Variants in NEURL1 observed in about 807,000 individuals in gnomAD.
NEURL1 encodes the protein neuralized E3 ubiquitin protein ligase 1, also known as E3 ubiquitin-protein ligase NEURL1.
In NEURL1, 26 loss-of-function variants were observed where a neutral mutation model predicts 41.2. The observed-to-expected ratio is 0.63, with a 90% CI of 0.46 to 0.87. The LOEUF (loss-of-function observed/expected upper bound fraction) is 0.87, where lower values mean the gene tolerates loss of function less well. Among genes scored for constraint, NEURL1 ranks in the 40% least tolerant of loss-of-function variants. The probability of loss-of-function intolerance (pLI) is 0.00; values close to 1 mark genes in which losing one functional copy is unlikely to be tolerated. For missense variants in NEURL1, 761 were observed against 871.1 expected, an observed-to-expected ratio of 0.87 and a Z score of 1.59; for synonymous variants, 400 against 402.3, an observed-to-expected ratio of 0.99 and a Z score of 0.07.
rs2034497511 is a variant in NEURL1, at chr10:103,528,058, A to G, written c.85+33586A>G. ...AACATGGTGAAACCCTGTCACTAGT[A>G]AAAATACAAAAATTAGGCCAGGCAC... On this transcript the variant is annotated intron_variant, in intron 1 of 5. Coordinates refer to ENST00000369780, the MANE Select transcript of NEURL1 (RefSeq NM_004210.5). Among the ~76,000 whole-genome samples the G allele has an allele frequency of 3.3e-5, 5 of 152,068 alleles. No homozygotes were observed. In the South Asian group the frequency reaches 1.0e-3, roughly 32 times the overall value.
At chr10:103,535,409 A>G (rs991993791) in intron 1 of NEURL1, among the ~76,000 whole-genome samples, 1 of 152,162 alleles carries the variant, frequency 6.6e-6, no homozygotes, top group Non-Finnish European at 1.5e-5. Context: ...TGGGATGCAC[A>G]GTTGCTCAGC....
At chr10:103,504,411 T>A (rs1196173001) in intron 1 of NEURL1, among the ~76,000 whole-genome samples, 1 of 152,200 alleles carries the variant, frequency 6.6e-6, no homozygotes, top group Non-Finnish European at 1.5e-5. Flanking sequence ...ACTGTCTCTC[T>A]ATTGGGATTT....
chr10:103,573,819 C>G (rs549111440), intron 3 of NEURL1, among the ~76,000 whole-genome samples: 2 of 152,290 alleles, frequency 1.3e-5, no homozygotes, highest in South Asian at 2.1e-4. Flanking sequence ...CCTCACAGTC[C>G]CCACTCTGGC....
intron 1 of NEURL1, chr10:103,511,933 C>T (rs965675311): frequency 1.3e-5 from 2 of 152,268 alleles, no homozygotes; most frequent in African/African-American, 4.8e-5. Flanking sequence ...ATGGGCTCTT[C>T]AGGGCTGCCG....
chr10:103,539,535 A>G (rs77228207), intron 1 of NEURL1, among the ~76,000 whole-genome samples: 43 of 152,346 alleles, frequency 2.8e-4, no homozygotes, highest in African/African-American at 1.0e-3. Context: ...GTTTAGGGAC[A>G]ACACGGCTTC....
chr10:103,529,808 A>G (rs563008410), intron 1 of NEURL1, among the ~76,000 whole-genome samples: 11 of 152,052 alleles, frequency 7.2e-5, no homozygotes, highest in Non-Finnish European at 1.5e-4. Context: ...GCTGCAATCT[A>G]TTTTCTTTGG....
At chr10:103,584,432 C>A in intron 3 of NEURL1, 104 bp from the exon 4 acceptor site, 1 of 643,310 alleles carries the variant, frequency 1.6e-6, no homozygotes, top group Non-Finnish European at 2.3e-6. Flanking sequence ...GCGCCATTAG[C>A]CATCCGGGAT....
At chr10:103,574,659 G>A (rs915994387) in intron 3 of NEURL1, among the ~76,000 whole-genome samples, 1 of 152,228 alleles carries the variant, frequency 6.6e-6, no homozygotes, top group African/African-American at 2.4e-5. Context: ...ACATGGGAAT[G>A]AAGTGGAACA....
At chr10:103,507,117 A>G (rs890957981) in intron 1 of NEURL1, among the ~76,000 whole-genome samples, 10 of 152,118 alleles carry the variant, frequency 6.6e-5, no homozygotes, top group Non-Finnish European at 1.0e-4. Context: ...TGACCTGCCC[A>G]AGGTCATACA....
At position 103,589,550 on chromosome 10, in the gene NEURL1, T is replaced by A. The variant is rs762288809; in HGVS notation, c.1376T>A (p.Leu459His). 3.2e-5 allele frequency: 52 copies of A among 1,612,972 alleles called. No individual in the cohort carries two copies. The South Asian group carries it at 5.7e-4, about 18-fold the overall frequency. Residue 459 changes from leucine to histidine, a missense_variant, in exon 5 of 6, where the codon CTC becomes CAC. Coordinates refer to ENST00000369780, the MANE Select transcript of NEURL1 (RefSeq NM_004210.5). ...TILAERGIPS[L>H]PCSPASTPTS... Reference sequence around the variant, plus strand: ...CTGGCCGAGCGGGGTATCCCATCACTCCCCTGCTCCCCTGCCTCCACGCCA... The same window carrying A: ...CTGGCCGAGCGGGGTATCCCATCACACCCCTGCTCCCCTGCCTCCACGCCA...
In NEURL1 at chr10:103,584,517, C is replaced by T; in HGVS notation, c.650-19C>T. Reference sequence around the variant, plus strand: ...CTCCCGAGAGCCCTGCGTGACACTGCCCCGTGTCTCCCGCGCAGATAGCGA... The same window carrying T: ...CTCCCGAGAGCCCTGCGTGACACTGTCCCGTGTCTCCCGCGCAGATAGCGA... On this transcript the variant is annotated intron_variant, in intron 3 of 5. Coordinates refer to ENST00000369780, the MANE Select transcript of NEURL1 (RefSeq NM_004210.5). The T allele has an allele frequency of 7.5e-7, 1 of 1,337,896 alleles. No homozygotes were observed. Among genetic ancestry groups the T allele is most frequent in the South Asian group, 1.9e-5 (1 of 51,528 alleles). 82.9% of individuals were successfully genotyped at this position (1,337,896 alleles called of 1,614,324 possible). A position where few individuals can be genotyped will look rare whatever the true frequency, so the allele number is the denominator to read the frequency against.
chr10:103,575,255 TCACC>T lies in NEURL1; in HGVS notation c.649+3435_649+3438del, dbSNP rs1158098955. On this transcript the variant is annotated intron_variant, in intron 3 of 5. Coordinates refer to ENST00000369780, the MANE Select transcript of NEURL1 (RefSeq NM_004210.5). Reference sequence around the variant, plus strand: ...TCTCTCTCCCTTGACCTAGATCCTCTCACCCTTCTTGCTTTCCCTGGTCTTGGTG... The same window carrying T: ...TCTCTCTCCCTTGACCTAGATCCTCTCTTCTTGCTTTCCCTGGTCTTGGTG... Among the ~76,000 whole-genome samples the T allele has an allele frequency of 2.0e-5, 3 of 151,862 alleles. No individual in the cohort carries two copies. In the East Asian group the frequency reaches 5.9e-4, roughly 30 times the overall value.
intron 3 of NEURL1, 102 bp from the exon 4 acceptor site, chr10:103,584,434 A>C: frequency 6.1e-6 from 4 of 658,694 alleles, no homozygotes; most frequent in Non-Finnish European, 6.5e-6. Context: ...GCCATTAGCC[A>C]TCCGGGATTG....
Position 103,558,080 on chromosome 10 carries a change from A to G in NEURL1, c.86-12792A>G, listed in dbSNP as rs992860709. ...TTTTTAGTAGAGACGGGGTTTCACC[A>G]TGTTGGTCAGGCTGGTCTTGAATTC... On this transcript the variant is annotated intron_variant, in intron 1 of 5. Transcript: ENST00000369780. This position sits in a 1 kb window ranked among gnomAD's most constrained non-coding sequence, Gnocchi z 4.2. 2.0e-6 allele frequency: 1 copy of G among 503,834 alleles called. No homozygotes were observed. Among genetic ancestry groups the G allele is most frequent in the Non-Finnish European group, 2.6e-6 (1 of 390,132 alleles). 31.2% of individuals were successfully genotyped at this position (503,834 alleles called of 1,614,324 possible).
At chr10:103,520,490 G>A (rs1452155128) in intron 1 of NEURL1, among the ~76,000 whole-genome samples, 1 of 152,168 alleles carries the variant, frequency 6.6e-6, no homozygotes, top group Non-Finnish European at 1.5e-5. Flanking sequence ...GGTGGGGCAG[G>A]AACAAATCAC....
intron 3 of NEURL1, among the ~76,000 whole-genome samples, chr10:103,577,254 C>T (rs1027004632): frequency 6.6e-6 from 1 of 152,122 alleles, no homozygotes; most frequent in Non-Finnish European, 1.5e-5. Context: ...TATCAGTGCC[C>T]CACACCAAAC....
intron 1 of NEURL1, among the ~76,000 whole-genome samples, chr10:103,505,137 T>C (rs2033917582): frequency 6.6e-6 from 1 of 150,730 alleles, no homozygotes; most frequent in Non-Finnish European, 1.5e-5. Flanking sequence ...TGCTGCAGCC[T>C]CAACCTTCTG....
At chr10:103,586,015 G>T (rs934513331) in intron 4 of NEURL1, among the ~76,000 whole-genome samples, 8 of 151,700 alleles carry the variant, frequency 5.3e-5, no homozygotes, top group Admixed American at 2.0e-4. Flanking sequence ...GGACTCGGGG[G>T]AATCCCTGAG....
chr10:103,526,603 C>G (rs2034464349), intron 1 of NEURL1, among the ~76,000 whole-genome samples: 1 of 152,178 alleles, frequency 6.6e-6, no homozygotes, highest in African/African-American at 2.4e-5. Context: ...CCTCTGCCTC[C>G]TGGTTTCAAG....
Sources: allele counts gnomAD v4.1 joint callset (sites outside exome capture counted in the v4.1 genomes callset), GRCh38; gene constraint gnomAD v4.1.1; non-coding constraint Gnocchi (gnomAD v3.1); transcripts MANE v1.5; gene names NCBI Gene and HGNC (gene_info 2026-07-23, HGNC 2026-07-21).